Variants in FHIT observed in about 807,000 individuals in gnomAD.
The protein encoded by FHIT is bis(5'-adenosyl)-triphosphatase.
A neutral mutation model predicts 17.9 loss-of-function variants in FHIT; 19 were observed. That is an observed-to-expected ratio of 1.06 (90% confidence interval 0.74 to 1.56). The LOEUF (loss-of-function observed/expected upper bound fraction) is 1.56. FHIT is among the 40% of genes most tolerant of loss of function. FHIT has a pLI of 0.00. For missense variants in FHIT, 248 were observed against 189.2 expected, an observed-to-expected ratio of 1.31 and a Z score of -1.82; for synonymous variants, 81 against 69.7, an observed-to-expected ratio of 1.16 and a Z score of -0.81.
At chr3:61,102,218 A>G (rs1032768006) in intron 2 of FHIT, among the ~76,000 whole-genome samples, 1 of 152,150 alleles carries the variant, frequency 6.6e-6, no homozygotes, top group Non-Finnish European at 1.5e-5. Context: ...TATTATTTTG[A>G]GATACGTTCC....
At chr3:60,546,513 C>T (rs1039242331) in intron 4 of FHIT, among the ~76,000 whole-genome samples, 1 of 152,050 alleles carries the variant, frequency 6.6e-6, no homozygotes, top group African/African-American at 2.4e-5. Context: ...GCTTTATATG[C>T]TTTTTTACCC....
At chr3:60,623,988 G>T (rs1461982818) in intron 4 of FHIT, among the ~76,000 whole-genome samples, 1 of 152,148 alleles carries the variant, frequency 6.6e-6, no homozygotes, top group African/African-American at 2.4e-5. Flanking sequence ...TACATGAACA[G>T]ATAATTATGG....
chr3:60,939,013 GTA>G (rs1708305733), intron 3 of FHIT, among the ~76,000 whole-genome samples: 1 of 152,152 alleles, frequency 6.6e-6, no homozygotes, highest in African/African-American at 2.4e-5. Flanking sequence ...CTGTTTCTAT[GTA>G]TACATCTTAG....
chr3:60,959,412 A>T (rs1709307694), intron 3 of FHIT, among the ~76,000 whole-genome samples: 1 of 152,194 alleles, frequency 6.6e-6, no homozygotes, highest in South Asian at 2.1e-4. Flanking sequence ...ACAAATTTAC[A>T]TACATTCTTT....
At chr3:60,733,686 C>A (rs771379358) in intron 4 of FHIT, among the ~76,000 whole-genome samples, 3 of 152,136 alleles carry the variant, frequency 2.0e-5, no homozygotes, top group Non-Finnish European at 4.4e-5. Flanking sequence ...ACTCTTTTAG[C>A]CTTTAGTATG....
At position 59,962,143 on chromosome 3, in the gene FHIT, T is replaced by A. The variant is rs541120098; in HGVS notation, c.280-39729A>T. The stretch of plus-strand genomic sequence containing the variant: ...ATTTAATTCGCCAGTCCTGACCATA[T>A]CTATAACAAAAGGAACTATGTCTTT... On this transcript the variant is annotated intron_variant, in intron 7 of 9. Coordinates refer to ENST00000492590, the MANE Select transcript of FHIT (RefSeq NM_002012.4). Among the ~76,000 whole-genome samples, 26 of 152,292 alleles carry A rather than the reference T, an allele frequency of 1.7e-4. 1 individual carries two copies. Among genetic ancestry groups the A allele is most frequent in the Middle Eastern group, 3.4e-3 (1 of 294 alleles).
intron 5 of FHIT, among the ~76,000 whole-genome samples, chr3:60,030,359 G>A (rs976276478): frequency 6.6e-6 from 1 of 152,112 alleles, no homozygotes; most frequent in Non-Finnish European, 1.5e-5. Context: ...CCTTTCTGTA[G>A]TGCATTATCT....
chr3:60,169,184 G>A (rs575755162), intron 5 of FHIT, among the ~76,000 whole-genome samples: 5 of 152,246 alleles, frequency 3.3e-5, no homozygotes, highest in East Asian at 1.9e-4. Context: ...GTCAATCCAC[G>A]TTTGTTTCCT....
chr3:60,081,449 CAG>C (rs1448064704), intron 5 of FHIT, among the ~76,000 whole-genome samples: 2 of 152,100 alleles, frequency 1.3e-5, no homozygotes, highest in Non-Finnish European at 2.9e-5. Flanking sequence ...CCAAGGAAAA[CAG>C]AGTGATCCTG....
intron 4 of FHIT, among the ~76,000 whole-genome samples, chr3:60,762,502 A>G (rs971636287): frequency 2.0e-5 from 3 of 152,190 alleles, no homozygotes; most frequent in Non-Finnish European, 2.9e-5. Flanking sequence ...CCATGCAGAA[A>G]GATAGAAGGA....
At chr3:60,014,792 T>C (rs892297286) in intron 5 of FHIT, among the ~76,000 whole-genome samples, 7 of 152,288 alleles carry the variant, frequency 4.6e-5, no homozygotes, top group African/African-American at 1.7e-4. Flanking sequence ...AAGAAGACAT[T>C]TGAAGGTAAA....
chr3:60,242,835 A>T (rs946396668), intron 5 of FHIT, among the ~76,000 whole-genome samples: 2 of 151,902 alleles, frequency 1.3e-5, no homozygotes, highest in Non-Finnish European at 2.9e-5. Flanking sequence ...ATATGTTCAT[A>T]TATATATATT....
chr3:59,766,718 G>C (rs1356165558), intron 8 of FHIT, among the ~76,000 whole-genome samples: 4 of 152,158 alleles, frequency 2.6e-5, no homozygotes, highest in Admixed American at 2.6e-4. Flanking sequence ...AGGCTGTTTG[G>C]AAGGCTTTGC....
chr3:59,980,739 G>A (rs1459384681), intron 7 of FHIT, among the ~76,000 whole-genome samples: 1 of 152,160 alleles, frequency 6.6e-6, no homozygotes, highest in Non-Finnish European at 1.5e-5. Flanking sequence ...CTATGAACCA[G>A]AAAGTGGGCA....
At chr3:60,952,436 T>C (rs1257433636) in intron 3 of FHIT, among the ~76,000 whole-genome samples, 2 of 152,164 alleles carry the variant, frequency 1.3e-5, no homozygotes, top group Non-Finnish European at 2.9e-5. Context: ...CCATGGAGTT[T>C]CATTGAAATG....
rs1041873221 is a variant in FHIT at position 60,879,869 on chromosome 3, T to C, written c.-110-57858A>G. 1.4e-4 allele frequency among the ~76,000 whole-genome samples: 21 copies of C among 151,792 alleles called. No individual in the cohort carries two copies. In the South Asian group the frequency reaches 3.9e-3, roughly 29 times the overall value. ...AAAAAAAATAAGAAAGAAAAAGAGT[T>C]TTTAAAAAAGACTACAAGACTTATA... is the stretch of plus-strand genomic sequence containing the variant. On this transcript the variant is annotated intron_variant, in intron 3 of 9. Transcript: ENST00000492590.
intron 4 of FHIT, among the ~76,000 whole-genome samples, chr3:60,725,118 T>A (rs1414668207): frequency 2.6e-5 from 4 of 152,192 alleles, no homozygotes; most frequent in African/African-American, 9.7e-5. Context: ...ATTTGCCCCA[T>A]TTTAACTGGG....
chr3:60,455,225 G>C (rs924132139), intron 5 of FHIT, among the ~76,000 whole-genome samples: 1 of 152,062 alleles, frequency 6.6e-6, no homozygotes, highest in Non-Finnish European at 1.5e-5. Context: ...AACCCCAATC[G>C]GGTTGGGTTT....
At chr3:60,238,068 C>T (rs1704902963) in intron 5 of FHIT, among the ~76,000 whole-genome samples, 2 of 150,386 alleles carry the variant, frequency 1.3e-5, no homozygotes. Flanking sequence ...ATCGCTTGAG[C>T]CTTGGAGGCG....
Sources: allele counts gnomAD v4.1 joint callset (sites outside exome capture counted in the v4.1 genomes callset), GRCh38; gene constraint gnomAD v4.1.1; transcripts MANE v1.5; gene names NCBI Gene and HGNC (gene_info 2026-07-23, HGNC 2026-07-21).